The following RNASEH1 variants were observed in gnomAD, a reference collection of about 807,000 sequenced individuals.
RNASEH1 encodes ribonuclease H1, also known as ribonuclease H type II.
In RNASEH1, 27 loss-of-function variants were observed where a neutral mutation model predicts 34.6. The ratio of observed to expected loss-of-function variants is 0.78; its 90% CI spans 0.58 to 1.08. RNASEH1 has a LOEUF of 1.08. Among genes scored for constraint, RNASEH1 ranks in the 50% least tolerant of loss-of-function variants. RNASEH1 has a pLI of 0.00. For missense variants in RNASEH1, 349 were observed against 373.6 expected (o/e 0.93, Z 0.54); for synonymous variants, 162 against 138.4 (o/e 1.17, Z -1.20).
intron 1 of RNASEH1, chr2:3,557,713 G>C (rs1040092676): frequency 1.5e-5 from 7 of 479,104 alleles, no homozygotes; most frequent in African/African-American, 1.4e-4. Flanking sequence ...GCAAATACTG[G>C]CTTATTAGAA....
intron 2 of RNASEH1, among the ~76,000 whole-genome samples, chr2:3,553,816 T>C (rs1245163631): frequency 6.6e-6 from 1 of 152,206 alleles, no homozygotes; most frequent in Non-Finnish European, 1.5e-5. Flanking sequence ...CCAGTTTCAA[T>C]TTGTGCTATA....
intron 2 of RNASEH1, 121 bp from the exon 3 acceptor site, chr2:3,552,429 A>G: frequency 1.2e-6 from 1 of 818,028 alleles, no homozygotes; most frequent in Non-Finnish European, 1.8e-6. Flanking sequence ...CACCCTCTCT[A>G]TGTGGCCCTA....
At chr2:3,535,857 C>T in the RNASEH1 span, among the ~76,000 whole-genome samples, 4 of 152,146 alleles carry the variant, frequency 2.6e-5, no homozygotes, top group East Asian at 1.9e-4. Context: ...AAGGACGCAG[C>T]CTGCAGTGGA....
At chr2:3,535,186 G>A in the RNASEH1 span, among the ~76,000 whole-genome samples, 2 of 152,082 alleles carry the variant, frequency 1.3e-5, no homozygotes, top group Non-Finnish European at 2.9e-5. Context: ...GGGACGGTGA[G>A]GCAGGCGGTT....
rs537335702 is a variant in RNASEH1 at position 3,552,357 on chromosome 2, G to A, written c.245-49C>T. On this transcript the variant is annotated intron_variant, in intron 2 of 7. Coordinates refer to ENST00000315212, the MANE Select transcript of RNASEH1 (RefSeq NM_002936.6). ...GAGCTGGAAACAATGAACATAACACGAAATGCTAGAGAATGAAGACATTCA... is the reference window on the plus strand; with the variant it reads ...GAGCTGGAAACAATGAACATAACACAAAATGCTAGAGAATGAAGACATTCA... 139 of 1,543,152 alleles carry A rather than the reference G, an allele frequency of 9.0e-5. 1 individual carries two copies. The South Asian group carries it at 1.1e-3, about 12-fold the overall frequency.
chr2:3,548,394 C>T (rs1668959824), intron 6 of RNASEH1, among the ~76,000 whole-genome samples: 1 of 152,228 alleles, frequency 6.6e-6, no homozygotes, highest in Non-Finnish European at 1.5e-5. Flanking sequence ...CTTATACACA[C>T]ACAGACTAGA....
intron 4 of RNASEH1, 68 bp downstream of exon 4, chr2:3,550,305 A>G (rs1381196853): frequency 2.3e-5 from 29 of 1,259,822 alleles, no homozygotes; most frequent in Non-Finnish European, 2.3e-6. Context: ...AACAATGAGC[A>G]GATCCCGCCT....
At chr2:3,555,890 G>T (rs894040421) in intron 2 of RNASEH1, among the ~76,000 whole-genome samples, 1 of 152,152 alleles carries the variant, frequency 6.6e-6, no homozygotes, top group African/African-American at 2.4e-5. Context: ...GAAGAAATTG[G>T]ACAGGCGTGG....
downstream of RNASEH1, among the ~76,000 whole-genome samples, chr2:3,538,450 A>G (rs1041719157): frequency 3.7e-4 from 57 of 152,190 alleles, 2 homozygotes; most frequent in African/African-American, 1.3e-3. Context: ...TCCCACCCAC[A>G]GCATCCTCTC....
intron 3 of RNASEH1, among the ~76,000 whole-genome samples, 158 bp from the exon 4 acceptor site, chr2:3,550,630 A>G (rs1334816718): frequency 1.3e-5 from 2 of 152,208 alleles, no homozygotes; most frequent in African/African-American, 4.8e-5. Context: ...ATTCCTTACA[A>G]GGGGGCACCT....
At chr2:3,553,591 C>T (rs1411074495) in intron 2 of RNASEH1, among the ~76,000 whole-genome samples, 2 of 152,024 alleles carry the variant, frequency 1.3e-5, no homozygotes, top group East Asian at 3.9e-4. Flanking sequence ...GGGGGTTTCA[C>T]CATTTTGGCC....
chr2:3,545,972 G>T, intron 7 of RNASEH1, 101 bp from the exon 8 acceptor site: 2 of 816,130 alleles, frequency 2.5e-6, no homozygotes, highest in Non-Finnish European at 4.2e-6. Context: ...AGACTGCACA[G>T]CATAAGCTCA....
downstream of RNASEH1, among the ~76,000 whole-genome samples, chr2:3,540,632 C>G (rs888488314): frequency 6.6e-6 from 1 of 152,214 alleles, no homozygotes; most frequent in Non-Finnish European, 1.5e-5. Flanking sequence ...TGGTCTTGAA[C>G]GCCTGACCTC....
At chr2:3,546,502 T>C (rs1668766890) in intron 7 of RNASEH1, among the ~76,000 whole-genome samples, 1 of 152,246 alleles carries the variant, frequency 6.6e-6, no homozygotes, top group Non-Finnish European at 1.5e-5. Context: ...TGAAACAAAA[T>C]ACACTGATAG....
At chr2:3,540,987 G>T (rs1324158722), downstream of RNASEH1, among the ~76,000 whole-genome samples, 11 of 152,104 alleles carry the variant, frequency 7.2e-5, no homozygotes, top group Admixed American at 7.2e-4. Flanking sequence ...TGCCTGACTG[G>T]AGGGAATGTA....
chr2:3,556,719 T>C, intron 2 of RNASEH1, 70 bp downstream of exon 2: 1 of 1,014,780 alleles, frequency 9.9e-7, no homozygotes. Context: ...GCTATATAGA[T>C]CAAATGCCAT....
At chr2:3,547,695 G>T (rs1668888142) in intron 7 of RNASEH1, among the ~76,000 whole-genome samples, 1 of 151,878 alleles carries the variant, frequency 6.6e-6, no homozygotes. Flanking sequence ...CACCATACTG[G>T]CCAGGCTGGT....
chr2:3,552,472 C>T (rs1271440291), intron 2 of RNASEH1, among the ~76,000 whole-genome samples, 164 bp from the exon 3 acceptor site: 2 of 149,280 alleles, frequency 1.3e-5, no homozygotes, highest in Non-Finnish European at 3.0e-5. Context: ...ACCCCCTCCA[C>T]GCCATCTCCA....
Position 3,542,010 on chromosome 2 carries a change from A to G in RNASEH1, c.*3775T>C, listed in dbSNP as rs1668345242. Among the ~76,000 whole-genome samples, 1 of 152,066 alleles carries G rather than the reference A, an allele frequency of 6.6e-6. No individual in the cohort carries two copies. The highest frequency in any genetic ancestry group is 6.6e-5 in the Admixed American group (1 of 15,254). On this transcript the variant is annotated 3_prime_UTR_variant, in exon 8 of 8. Transcript: ENST00000315212. Reference sequence around the variant, plus strand: ...CCTATTTTAAATAACAAAACAAAACAAAAGTGGTACAATAACAACTTTTAA... The same window carrying G: ...CCTATTTTAAATAACAAAACAAAACGAAAGTGGTACAATAACAACTTTTAA...
Sources: allele counts gnomAD v4.1 joint callset (sites outside exome capture counted in the v4.1 genomes callset), GRCh38; gene constraint gnomAD v4.1.1; transcripts MANE v1.5; gene names NCBI Gene and HGNC (gene_info 2026-07-23, HGNC 2026-07-21).